The following PDE3B variants were observed in gnomAD, a reference collection of about 807,000 sequenced individuals.
PDE3B encodes the protein phosphodiesterase 3B, also known as cGMP-inhibited 3',5'-cyclic phosphodiesterase 3B.
In PDE3B, 66 loss-of-function variants were observed where a neutral mutation model predicts 116.8. The ratio of observed to expected loss-of-function variants is 0.56; its 90% CI spans 0.46 to 0.69. PDE3B has a LOEUF of 0.69. Ranked by LOEUF, PDE3B falls within the 30% of genes least tolerant of loss-of-function variation. PDE3B has a pLI of 0.00. For missense variants in PDE3B, 1,384 were observed against 1,368.1 expected, an observed-to-expected ratio of 1.01 and a Z score of -0.18; for synonymous variants, 595 against 533.6, an observed-to-expected ratio of 1.12 and a Z score of -1.59.
At chr11:14,675,941 C>G (rs1187243906) in intron 1 of PDE3B, among the ~76,000 whole-genome samples, 1 of 152,066 alleles carries the variant, frequency 6.6e-6, no homozygotes, top group Non-Finnish European at 1.5e-5. Context: ...GTGTATTTAA[C>G]ATTAAAAGAA....
At position 14,669,731 on chromosome 11, in the gene PDE3B, G is replaced by C. The variant is rs145138043; in HGVS notation, c.978+24678G>C. On this transcript the variant is annotated intron_variant, in intron 1 of 15. Transcript: ENST00000282096. ...GCGGTGTTTGGTTTTCTGTCCTTGC[G>C]ATAGCACTACCATTTTTTTAAGGAC... Among the ~76,000 whole-genome samples, 106 of 151,908 alleles carry C rather than the reference G, an allele frequency of 7.0e-4. 1 individual carries two copies. The East Asian group carries it at 0.02, about 28-fold the overall frequency.
chr11:14,842,958 G>A (rs1361013510), intron 11 of PDE3B, among the ~76,000 whole-genome samples: 2 of 152,168 alleles, frequency 1.3e-5, no homozygotes, highest in Non-Finnish European at 2.9e-5. Context: ...ACAAGCCAGA[G>A]CATTATTTCT....
chr11:14,644,369 C>G lies in PDE3B; in HGVS notation c.294C>G (p.Pro98=). The change falls in exon 1 of 16, where the codon CCC becomes CCG. Residue 98 remains proline, a synonymous_variant. Transcript: ENST00000282096. ...TCGCCCTGCTGCTGGGCGCGGAACC[C>G]GAGAGCTGGGCTGCCGGGGCCGCCT... ...FVLALLLGAE[P]ESWAAGAAWL... is the part of the protein sequence containing the mutation. 6.3e-7 allele frequency: 1 copy of G among 1,597,350 alleles called. No homozygotes were observed. Among genetic ancestry groups the G allele is most frequent in the Non-Finnish European group, 8.5e-7 (1 of 1,173,740 alleles).
chr11:14,746,968 T>A (rs1856925949), intron 1 of PDE3B, among the ~76,000 whole-genome samples: 1 of 152,192 alleles, frequency 6.6e-6, no homozygotes, highest in Non-Finnish European at 1.5e-5. Context: ...GGCTCATAGT[T>A]CTTCAGGCTG....
intron 4 of PDE3B, among the ~76,000 whole-genome samples, chr11:14,797,993 A>G (rs994731133): frequency 2.0e-5 from 3 of 152,156 alleles, no homozygotes; most frequent in Admixed American, 2.0e-4. Flanking sequence ...GAGGGAGGGC[A>G]TCCTTGTCTT....
At chr11:14,748,890 C>CT (rs372787656) in intron 1 of PDE3B, among the ~76,000 whole-genome samples, 7,637 of 137,580 alleles carry the variant, frequency 0.056, 320 homozygotes, top group African/African-American at 0.11. Context: ...TCTTTTCTTT[C>CT]TTTTTTTTTT....
At chr11:14,897,637 G>T in the PDE3B span, among the ~76,000 whole-genome samples, 1 of 152,154 alleles carries the variant, frequency 6.6e-6, no homozygotes, top group Admixed American at 6.5e-5. Flanking sequence ...CAGATGGTTG[G>T]TGGTACAGAG....
intron 1 of PDE3B, among the ~76,000 whole-genome samples, chr11:14,764,846 C>CT (rs1275502896): frequency 9.2e-5 from 14 of 151,810 alleles, no homozygotes; most frequent in Admixed American, 9.2e-4. Flanking sequence ...CCAAGTAATA[C>CT]TAGTCTCCTA....
At chr11:14,739,209 A>G (rs1309747682) in intron 1 of PDE3B, among the ~76,000 whole-genome samples, 1 of 152,148 alleles carries the variant, frequency 6.6e-6, no homozygotes, top group African/African-American at 2.4e-5. Flanking sequence ...GGCCCTTTTC[A>G]CAATATTGAT....
intron 2 of PDE3B, among the ~76,000 whole-genome samples, chr11:14,778,181 G>C (rs1857849971): frequency 6.6e-6 from 1 of 152,186 alleles, no homozygotes; most frequent in Non-Finnish European, 1.5e-5. Flanking sequence ...CTCAAAATGG[G>C]TGGAGCCCAC....
intron 13 of PDE3B, among the ~76,000 whole-genome samples, chr11:14,860,471 A>G (rs1389039875): frequency 6.6e-6 from 1 of 152,154 alleles, no homozygotes; most frequent in African/African-American, 2.4e-5. Flanking sequence ...TTTTTACAAA[A>G]TGAAATTTTA....
chr11:14,817,578 T>G (rs528963664), intron 5 of PDE3B, among the ~76,000 whole-genome samples: 1 of 151,984 alleles, frequency 6.6e-6, no homozygotes, highest in Non-Finnish European at 1.5e-5. Flanking sequence ...CTTGAAACCC[T>G]GTCTCTACAG....
At chr11:14,672,044 T>C (rs1030829278) in intron 1 of PDE3B, among the ~76,000 whole-genome samples, 37 of 145,586 alleles carry the variant, frequency 2.5e-4, no homozygotes, top group East Asian at 2.4e-3. Flanking sequence ...TATATATATA[T>C]ACATATATAT....
At chr11:14,645,090 G>A in intron 1 of PDE3B, 37 bp downstream of exon 1, 1 of 1,504,556 alleles carries the variant, frequency 6.6e-7, no homozygotes, top group Non-Finnish European at 8.9e-7. Context: ...GGACGCGAGC[G>A]GGTTCGGGTT....
intron 12 of PDE3B, among the ~76,000 whole-genome samples, chr11:14,849,593 C>A (rs569780511): frequency 6.6e-6 from 1 of 152,108 alleles, no homozygotes; most frequent in Non-Finnish European, 1.5e-5. Context: ...ACTCATCTGA[C>A]AAAGGATTAA....
At chr11:14,712,823 A>G (rs1367427614) in intron 1 of PDE3B, among the ~76,000 whole-genome samples, 5 of 152,096 alleles carry the variant, frequency 3.3e-5, no homozygotes, top group African/African-American at 9.7e-5. Context: ...GATTTAACCA[A>G]TTTTCTTTGC....
At chr11:14,880,041 C>A in the PDE3B span, 1 of 1,284,742 alleles carries the variant, frequency 7.8e-7, no homozygotes, top group Admixed American at 2.2e-5. Flanking sequence ...CGCAGGAGTT[C>A]CTAAAGAAAA....
chr11:14,835,246 C>A, intron 11 of PDE3B, 151 bp downstream of exon 11: 1 of 528,470 alleles, frequency 1.9e-6, no homozygotes, highest in Non-Finnish European at 3.4e-6. Context: ...CACTTATCCC[C>A]AAGTTCTACT....
chr11:14,887,626 T>A, the PDE3B span: 3 of 985,386 alleles, frequency 3.0e-6, no homozygotes, highest in Non-Finnish European at 3.6e-6. Context: ...AACATTTTCC[T>A]TGCCTTCTAG....
Sources: allele counts gnomAD v4.1 joint callset (sites outside exome capture counted in the v4.1 genomes callset), GRCh38; gene constraint gnomAD v4.1.1; transcripts MANE v1.5; gene names NCBI Gene and HGNC (gene_info 2026-07-23, HGNC 2026-07-21).